Variants in CENPM observed in about 807,000 individuals in gnomAD.
CENPM encodes the protein centromere protein M, also known as interphase centromere complex protein 39.
A neutral mutation model predicts 19.6 loss-of-function variants in CENPM; 14 were observed. The observed-to-expected ratio is 0.71, with a 90% CI of 0.47 to 1.11. The LOEUF (loss-of-function observed/expected upper bound fraction) is 1.11, where lower values mean the gene tolerates loss of function less well. Ranked by LOEUF, CENPM falls within the 50% of genes most tolerant of loss-of-function variation. The probability of loss-of-function intolerance (pLI) is 0.00; values close to 1 mark genes in which losing one functional copy is unlikely to be tolerated. For synonymous variants in CENPM, 114 were observed against 101.5 expected, an observed-to-expected ratio of 1.12 and a Z score of -0.74; for missense variants, 239 against 228.4, an observed-to-expected ratio of 1.05 and a Z score of -0.30.
At chr22:41,945,604 C>G (rs1257894246) in intron 3 of CENPM, among the ~76,000 whole-genome samples, 3 of 152,022 alleles carry the variant, frequency 2.0e-5, no homozygotes, top group Admixed American at 2.0e-4. Context: ...GTACATGCCA[C>G]CACGCCTGGC....
the CENPM span, among the ~76,000 whole-genome samples, chr22:41,928,720 C>T: frequency 4.6e-5 from 7 of 152,118 alleles, no homozygotes; most frequent in Middle Eastern, 3.4e-3. This position sits in a 1 kb window ranked among gnomAD's most constrained non-coding sequence, Gnocchi z 4.0. Flanking sequence ...AGGGAGCATC[C>T]GGGCTGCGGA....
In CENPM at chr22:41,945,924, G is replaced by A. The variant is rs1338949603; in HGVS notation, c.219C>T (p.His73=). 3 of 1,613,618 alleles carry A rather than the reference G, an allele frequency of 1.9e-6. No individual in the cohort carries two copies. The African/African-American group carries it at 4.0e-5, about 22-fold the overall frequency. Residue 73 remains histidine (H), a synonymous_variant, in exon 3 of 6, where the codon CAC becomes CAT. Transcript: ENST00000215980. ...IDLIVFVVNL[H]SKYSLQNTEE... is the part of the protein sequence containing the mutation. ...CCTCTGGCTCTCACCTGTATTTGCTGTGAAGATTAACCACAAACACGATCA... is the reference window on the plus strand; with the variant it reads ...CCTCTGGCTCTCACCTGTATTTGCTATGAAGATTAACCACAAACACGATCA...
Position 41,946,096 on chromosome 22 carries a change from C to G in CENPM, c.138-91G>C. 4.4e-6 allele frequency: 5 copies of G among 1,149,020 alleles called. No individual in the cohort carries two copies. In the South Asian group the frequency reaches 5.3e-5, roughly 12 times the overall value. 71.2% of individuals were successfully genotyped at this position (1,149,020 alleles called of 1,614,324 possible). Reference sequence around the variant, plus strand: ...TGCCCTTCATGTGGAAAGAGGCCGTCAAGGGCTCCCCACCTCATCCTAGCC... The same window carrying G: ...TGCCCTTCATGTGGAAAGAGGCCGTGAAGGGCTCCCCACCTCATCCTAGCC... On this transcript the variant is annotated intron_variant, in intron 2 of 5. Transcript: ENST00000215980.
chr22:41,944,173 G>A, intron 4 of CENPM: 2 of 984,584 alleles, frequency 2.0e-6, no homozygotes, highest in African/African-American at 3.5e-5. Context: ...GCCGGGTGCG[G>A]TGGCTCAGGC....
downstream of CENPM, among the ~76,000 whole-genome samples, chr22:41,938,512 CCCA>C (rs773865513): frequency 1.3e-5 from 2 of 151,862 alleles, no homozygotes; most frequent in East Asian, 1.9e-4. Context: ...ACTACAGGCG[CCCA>C]CCACCACATC....
chr22:41,940,294 C>G, intron 5 of CENPM: 1 of 642,554 alleles, frequency 1.6e-6, no homozygotes, highest in South Asian at 1.8e-5. Flanking sequence ...CTGCCTAACT[C>G]TTGCCTGTTT....
At chr22:41,932,002 G>A in the CENPM span, among the ~76,000 whole-genome samples, 1 of 152,232 alleles carries the variant, frequency 6.6e-6, no homozygotes, top group Non-Finnish European at 1.5e-5. This position sits in a 1 kb window ranked among gnomAD's most constrained non-coding sequence, Gnocchi z 4.3. Context: ...GGTCCCCAGA[G>A]GGAGTCTCTG....
In CENPM at chr22:41,943,693, C is replaced by T. The variant is rs781586621; in HGVS notation, c.319G>A (p.Glu107Lys). 3.7e-6 allele frequency: 6 copies of T among 1,613,212 alleles called. No individual in the cohort carries two copies. In the African/African-American group the frequency reaches 6.7e-5, roughly 18 times the overall value. Residue 107 changes from glutamate to lysine, a missense_variant, in exon 5 of 6, where the codon GAG (glutamate) becomes AAG (lysine). Coordinates refer to ENST00000215980, the MANE Select transcript of CENPM (RefSeq NM_024053.5). The stretch of plus-strand genomic sequence containing the variant: ...TGCCGGTGAATGCTGCAGTGGCTCT[C>T]CCGCCCAGCTGGAAAGAAGCCATGA... Reference protein sequence around the residue: ...VCFLATGAGRESHCSIHRHTV... With the variant: ...VCFLATGAGRKSHCSIHRHTV...
At chr22:41,931,670 C>T in the CENPM span, among the ~76,000 whole-genome samples, 8 of 152,296 alleles carry the variant, frequency 5.3e-5, no homozygotes, top group South Asian at 2.1e-4. Flanking sequence ...CAAGATGAGC[C>T]AGCAGATGGG....
intron 3 of CENPM, 117 bp downstream of exon 3, chr22:41,945,796 G>T: frequency 1.3e-6 from 1 of 751,396 alleles, no homozygotes. Context: ...CTTACAGATT[G>T]ACCTCAGCCA....
chr22:41,932,122 A>T, the CENPM span, among the ~76,000 whole-genome samples: 1 of 152,134 alleles, frequency 6.6e-6, no homozygotes, highest in Non-Finnish European at 1.5e-5. This position sits in a 1 kb window ranked among gnomAD's most constrained non-coding sequence, Gnocchi z 4.3. Context: ...TCAGCAGTGG[A>T]GATGGCTCTG....
chr22:41,944,865 T>C, intron 4 of CENPM: 3 of 1,069,660 alleles, frequency 2.8e-6, no homozygotes, highest in Non-Finnish European at 3.4e-6. Context: ...CTGCTCATAT[T>C]CACTCTTAGA....
At chr22:41,941,657 C>T (rs2146607922) in intron 5 of CENPM, among the ~76,000 whole-genome samples, 1 of 152,366 alleles carries the variant, frequency 6.6e-6, no homozygotes, top group South Asian at 2.1e-4. Flanking sequence ...CACTCACGAG[C>T]TGTCTGACCC....
At chr22:41,927,513 C>T in the CENPM span, among the ~76,000 whole-genome samples, 1 of 129,268 alleles carries the variant, frequency 7.7e-6, no homozygotes, top group Admixed American at 8.2e-5. Context: ...CAGACACCTG[C>T]TTTTTTTTTT....
At chr22:41,933,786 C>A (rs886351899), downstream of CENPM, among the ~76,000 whole-genome samples, 1 of 152,192 alleles carries the variant, frequency 6.6e-6, no homozygotes, top group Non-Finnish European at 1.5e-5. Context: ...CAGAAAACGT[C>A]CCTTTGTGCT....
At chr22:41,943,312 C>T (rs548431111) in intron 5 of CENPM, among the ~76,000 whole-genome samples, 17 of 152,254 alleles carry the variant, frequency 1.1e-4, no homozygotes, top group African/African-American at 4.1e-4. Flanking sequence ...AGAAACTCAG[C>T]AAAAGCAAAA....
At chr22:41,932,530 C>T in the CENPM span, among the ~76,000 whole-genome samples, 1 of 152,242 alleles carries the variant, frequency 6.6e-6, no homozygotes, top group Non-Finnish European at 1.5e-5. The surrounding 1 kb of genome is among the most constrained non-coding windows in gnomAD (Gnocchi z 4.3). Context: ...GCCTGTCATC[C>T]AGCCCGCCAC....
At position 41,945,262 on chromosome 22, in the gene CENPM, G is replaced by A. The variant is rs551401976; in HGVS notation, c.273C>T (p.Ser91=). 179 of 1,614,004 alleles carry A rather than the reference G, an allele frequency of 1.1e-4. 4 individuals carry two copies. In the South Asian group the frequency reaches 1.9e-3, roughly 17 times the overall value. ...GGAAACACACCTTCCCCAAGAAGAA[G>A]CTGGCATCCACATGGCGCAGGGACT... ...TEESLRHVDA[S]FFLGKVCFLA... The change falls in exon 4 of 6, where the codon AGC becomes AGT. Residue 91 remains serine (S), a synonymous_variant. Coordinates refer to ENST00000215980, the MANE Select transcript of CENPM (RefSeq NM_024053.5).
downstream of CENPM, among the ~76,000 whole-genome samples, chr22:41,936,529 G>A (rs1450876165): frequency 1.3e-5 from 2 of 152,224 alleles, no homozygotes; most frequent in African/African-American, 2.4e-5. Flanking sequence ...GGAACCTACA[G>A]AAAGGGGCAG....
Sources: gnomAD v4.1 joint callset for allele counts (sites outside exome capture counted in the v4.1 genomes callset) on GRCh38, gnomAD v4.1.1 for gene constraint, Gnocchi (gnomAD v3.1) non-coding constraint, MANE v1.5 for transcripts, NCBI Gene and HGNC (gene_info 2026-07-23, HGNC 2026-07-21) for gene names.